Variants in CALD1 observed in about 807,000 individuals in gnomAD.
CALD1 encodes caldesmon.
CALD1 carries 33 observed loss-of-function variants against 99.9 expected under a neutral mutation model. The ratio of observed to expected loss-of-function variants is 0.33; its 90% confidence interval spans 0.25 to 0.44. The LOEUF is 0.44. CALD1 is among the 20% of genes least tolerant of loss of function. The pLI, the probability that CALD1 is intolerant of heterozygous loss-of-function variation, is 1.00. For missense variants in CALD1, 861 were observed against 962.1 expected (o/e 0.89, Z 1.39); for synonymous variants, 310 against 325.0 (o/e 0.95, Z 0.50).
At chr7:134,891,769 TGTGGGA>T in intron 3 of CALD1, 2 of 699,128 alleles carry the variant, frequency 2.9e-6, no homozygotes, top group Non-Finnish European at 4.2e-6. Context: ...AAAAAAAAAA[TGTGGGA>T]GTGGGAGGGG....
At chr7:134,897,122 C>T (rs1340146747) in intron 3 of CALD1, among the ~76,000 whole-genome samples, 5 of 152,104 alleles carry the variant, frequency 3.3e-5, no homozygotes, top group Admixed American at 3.3e-4. Flanking sequence ...CTGTAAACCT[C>T]ATTCATTTCC....
At chr7:134,733,568 G>A in the CALD1 span, among the ~76,000 whole-genome samples, 1 of 152,126 alleles carries the variant, frequency 6.6e-6, no homozygotes, top group Non-Finnish European at 1.5e-5. Flanking sequence ...CAGCACTTTG[G>A]GAGGCTGAGG....
intron 3 of CALD1, among the ~76,000 whole-genome samples, chr7:134,888,648 A>G (rs1801994406): frequency 6.6e-6 from 1 of 152,042 alleles, no homozygotes; most frequent in African/African-American, 2.4e-5. Flanking sequence ...TCCTCTTCCC[A>G]GAGAGTGTCT....
chr7:134,929,962 T>C (rs1805406640), intron 4 of CALD1, among the ~76,000 whole-genome samples: 1 of 151,942 alleles, frequency 6.6e-6, no homozygotes, highest in African/African-American at 2.4e-5. Flanking sequence ...ACTGAAGATA[T>C]GTTAGTTTAG....
the CALD1 span, among the ~76,000 whole-genome samples, chr7:134,733,842 T>G: frequency 6.7e-6 from 1 of 149,426 alleles, no homozygotes; most frequent in Non-Finnish European, 1.5e-5. Flanking sequence ...AAAAACAAAA[T>G]AGGTCTGCTA....
intron 4 of CALD1, among the ~76,000 whole-genome samples, chr7:134,929,762 G>T (rs190458278): frequency 6.9e-6 from 1 of 144,466 alleles, no homozygotes; most frequent in Non-Finnish European, 1.5e-5. Context: ...ATAAACATGC[G>T]TGTACCAGTA....
At chr7:134,717,241 T>C in the CALD1 span, among the ~76,000 whole-genome samples, 1 of 152,156 alleles carries the variant, frequency 6.6e-6, no homozygotes, top group Non-Finnish European at 1.5e-5. Flanking sequence ...AGGGTAGGGT[T>C]CATTCTGTGT....
intron 2 of CALD1, among the ~76,000 whole-genome samples, chr7:134,862,882 T>A (rs1044180442): frequency 6.6e-6 from 1 of 152,014 alleles, no homozygotes; most frequent in Non-Finnish European, 1.5e-5. Flanking sequence ...TTACGGAGAG[T>A]TGAAGTTTGA....
At chr7:134,914,536 C>T (rs932464370) in intron 3 of CALD1, among the ~76,000 whole-genome samples, 2 of 152,210 alleles carry the variant, frequency 1.3e-5, no homozygotes, top group African/African-American at 2.4e-5. Context: ...CCTTATACTT[C>T]GTTAAATGAT....
At chr7:134,927,808 C>T (rs1378808344) in intron 3 of CALD1, among the ~76,000 whole-genome samples, 1 of 150,182 alleles carries the variant, frequency 6.7e-6, no homozygotes, top group Non-Finnish European at 1.5e-5. Flanking sequence ...CACCTTCTCT[C>T]GCCAGGGAAA....
Position 134,818,599 on chromosome 7 carries a change from T to G in CALD1, c.-129-25285T>G, listed in dbSNP as rs138514341. On this transcript the variant is annotated intron_variant, in intron 1 of 14. Transcript: ENST00000361675. ...CTTCAAAGAAAGGTTCCATGTCTCT[T>G]GACCCAGATGAAGCCAATTTTTCAT... Among the ~76,000 whole-genome samples, 796 of 152,328 alleles carry G rather than the reference T, an allele frequency of 5.2e-3. 9 individuals are homozygous for G. The highest frequency in any genetic ancestry group is 0.018 in the African/African-American group (743 of 41,568).
At chr7:134,728,278 C>T in the CALD1 span, among the ~76,000 whole-genome samples, 1 of 152,162 alleles carries the variant, frequency 6.6e-6, no homozygotes, top group Non-Finnish European at 1.5e-5. Context: ...ATTCACGAAT[C>T]GGTCAGCCCC....
At chr7:134,804,638 A>C (rs1356791125) in intron 1 of CALD1, among the ~76,000 whole-genome samples, 1 of 152,204 alleles carries the variant, frequency 6.6e-6, no homozygotes, top group Non-Finnish European at 1.5e-5. Flanking sequence ...AGATTATCTA[A>C]GAGCATCTTG....
intron 2 of CALD1, among the ~76,000 whole-genome samples, chr7:134,859,983 T>C (rs1454428170): frequency 6.6e-6 from 1 of 151,986 alleles, no homozygotes; most frequent in Non-Finnish European, 1.5e-5. Context: ...AATAGAGAAA[T>C]GGTAATGCTA....
At chr7:134,913,535 T>G (rs982320867) in intron 3 of CALD1, among the ~76,000 whole-genome samples, 17 of 152,258 alleles carry the variant, frequency 1.1e-4, no homozygotes, top group African/African-American at 4.1e-4. Flanking sequence ...ATGTAATTTA[T>G]AAATGACTAT....
chr7:134,750,894 A>G (rs1796680467), intron 1 of CALD1, among the ~76,000 whole-genome samples: 1 of 152,188 alleles, frequency 6.6e-6, no homozygotes, highest in African/African-American at 2.4e-5. Flanking sequence ...GGGTTACTCA[A>G]ATGAATATCT....
chr7:134,768,159 T>C (rs1796843967), intron 1 of CALD1, among the ~76,000 whole-genome samples: 1 of 152,160 alleles, frequency 6.6e-6, no homozygotes, highest in South Asian at 2.1e-4. Context: ...GCCAGTCCTG[T>C]TCCATGGAAG....
intron 3 of CALD1, among the ~76,000 whole-genome samples, chr7:134,920,925 A>G (rs1804575268): frequency 1.3e-5 from 2 of 152,194 alleles, no homozygotes; most frequent in South Asian, 4.1e-4. Flanking sequence ...CTTCACTACA[A>G]TACCTTGAGC....
At chr7:134,959,095 T>G (rs955084495) in intron 11 of CALD1, among the ~76,000 whole-genome samples, 6 of 151,810 alleles carry the variant, frequency 4.0e-5, no homozygotes, top group African/African-American at 1.5e-4. Context: ...AATACTTGTA[T>G]AACTAGTTAC....
Sources: gnomAD v4.1 joint callset for allele counts (sites outside exome capture counted in the v4.1 genomes callset) on GRCh38, gnomAD v4.1.1 for gene constraint, MANE v1.5 for transcripts, NCBI Gene and HGNC (gene_info 2026-07-23, HGNC 2026-07-21) for gene names.